Variants in ARSG observed in about 807,000 individuals in gnomAD.
The protein encoded by ARSG is arylsulfatase G, also known as ASG.
A neutral mutation model predicts 50.5 loss-of-function variants in ARSG; 37 were observed. The observed-to-expected ratio is 0.73, with a 90% CI of 0.56 to 0.96. The LOEUF is 0.96. Ranked by LOEUF, ARSG falls within the 50% of genes least tolerant of loss-of-function variation. ARSG has a pLI of 0.00. For missense variants in ARSG, 629 were observed against 675.3 expected (o/e 0.93, Z 0.76); for synonymous variants, 225 against 254.6 (o/e 0.88, Z 1.11).
In ARSG at chr17:68,351,662, G is replaced by T; in HGVS notation, c.542G>T (p.Cys181Phe). Residue 181 changes from cysteine (C) to phenylalanine (F), a missense_variant, in exon 5 of 12, where the codon TGT becomes TTT. Physicochemically the swap from Cys to Phe is radical, Grantham distance 205. Transcript: ENST00000621439. ...TACAACCACCCTCCTTGTCCAGCGT[G>T]TCCACAGGGTGATGGACCATCAAGG... ...PGYNHPPCPA[C>F]PQGDGPSRNL... is the part of the protein sequence containing the mutation. The T allele has an allele frequency of 6.2e-7, 1 of 1,612,926 alleles. No individual in the cohort carries two copies. The highest frequency in any genetic ancestry group is 8.5e-7 in the Non-Finnish European group (1 of 1,178,984).
At chr17:68,429,675 G>A in the ARSG span, among the ~76,000 whole-genome samples, 5 of 151,970 alleles carry the variant, frequency 3.3e-5, no homozygotes, top group Admixed American at 6.6e-5. Flanking sequence ...TGCAACCTCC[G>A]CCTCCTGGGT....
intron 6 of ARSG, 61 bp from the exon 7 acceptor site, chr17:68,368,487 G>T: frequency 1.3e-6 from 2 of 1,515,336 alleles, no homozygotes; most frequent in South Asian, 1.1e-5. Flanking sequence ...GAGGATCCCT[G>T]AGGCACCAGA....
At chr17:68,274,427 CT>C (rs782594628) in intron 1 of ARSG, 1 of 181,256 alleles carries the variant, frequency 5.5e-6, no homozygotes, top group Non-Finnish European at 1.2e-5. Flanking sequence ...GATTGCACCA[CT>C]GCACTCCATA....
intron 2 of ARSG, among the ~76,000 whole-genome samples, chr17:68,342,401 T>A (rs574797637): frequency 2.4e-4 from 37 of 151,126 alleles, no homozygotes; most frequent in South Asian, 1.0e-3. Flanking sequence ...TCACCCAGGC[T>A]GGAGTGCAGT....
the ARSG span, chr17:68,428,973 G>A: frequency 2.9e-5 from 43 of 1,499,582 alleles, no homozygotes; most frequent in African/African-American, 4.1e-5. Flanking sequence ...TGATGACAAC[G>A]AAGATGGGCG....
chr17:68,390,439 A>T (rs895343161), intron 9 of ARSG, among the ~76,000 whole-genome samples: 5 of 152,096 alleles, frequency 3.3e-5, no homozygotes, highest in African/African-American at 9.7e-5. Flanking sequence ...CACCCTGCCC[A>T]CTCTGAGGAC....
chr17:68,376,278 T>TTTTG (rs1491411521), intron 8 of ARSG, among the ~76,000 whole-genome samples: 1 of 138,492 alleles, frequency 7.2e-6, no homozygotes, highest in East Asian at 2.3e-4. Context: ...GCCCCCTGCA[T>TTTTG]TTTTTTTTTT....
chr17:68,269,597 C>T (rs1212191026), intron 1 of ARSG, among the ~76,000 whole-genome samples: 8 of 140,112 alleles, frequency 5.7e-5, no homozygotes, highest in Admixed American at 7.4e-5. Context: ...TGGGACATTT[C>T]GATGCATACT....
At position 68,395,091 on chromosome 17, in the gene ARSG, A is replaced by G. The variant is rs7342975; in HGVS notation, c.1110A>G (p.Pro370=). ...TALLSVLDIF[P]TVVALAQASL... ...TCCGCAGCGTGCTGGACATTTTTCCAACTGTGGTAGCCCTGGCCCAGGCCA... is the reference window on the plus strand; with the variant it reads ...TCCGCAGCGTGCTGGACATTTTTCCGACTGTGGTAGCCCTGGCCCAGGCCA... The change falls in exon 10 of 12, where the codon CCA becomes CCG. Residue 370 remains proline, a synonymous_variant. Transcript: ENST00000621439. 0.032 allele frequency: 51,683 copies of G among 1,613,918 alleles called. 3,340 individuals are homozygous for G. The highest frequency in any genetic ancestry group is 0.26 in the African/African-American group (19,447 of 74,972).
chr17:68,430,198 G>T, the ARSG span: 3 of 1,577,006 alleles, frequency 1.9e-6, no homozygotes, highest in African/African-American at 1.4e-5. Flanking sequence ...GGACTGGGCT[G>T]CAGGCCCCAC....
intron 1 of ARSG, among the ~76,000 whole-genome samples, chr17:68,302,234 C>A (rs1341364709): frequency 6.6e-6 from 1 of 152,174 alleles, no homozygotes; most frequent in East Asian, 1.9e-4. Flanking sequence ...AGCCAGCACA[C>A]AGACCATGTT....
At chr17:68,429,985 A>G in the ARSG span, 3 of 1,613,886 alleles carry the variant, frequency 1.9e-6, no homozygotes, top group Non-Finnish European at 2.5e-6. Context: ...AGTGGGTGTC[A>G]TTGTACGTAC....
chr17:68,341,677 T>C (rs2078275038), intron 2 of ARSG, among the ~76,000 whole-genome samples: 1 of 152,214 alleles, frequency 6.6e-6, no homozygotes, highest in Non-Finnish European at 1.5e-5. Context: ...TGTTGTGACT[T>C]ACATTTGCTC....
In ARSG at chr17:68,271,254, G is replaced by C. The variant is rs1360004429; in HGVS notation, c.-552+11828G>C. ...GTGCAAAGAATCCCAGTGTTGCAAA[G>C]AGACCAAATAATGCATAACAAATAA... On this transcript the variant is annotated intron_variant, in intron 1 of 11. Transcript: ENST00000448504. The surrounding 1 kb of genome is among the most constrained non-coding windows in gnomAD (Gnocchi z 5.3). 1 of 1,614,024 alleles carries C rather than the reference G, an allele frequency of 6.2e-7. No individual in the cohort carries two copies. Among genetic ancestry groups the C allele is most frequent in the Non-Finnish European group, 8.5e-7 (1 of 1,180,054 alleles).
At chr17:68,422,124 T>A, downstream of ARSG, 1 of 329,280 alleles carries the variant, frequency 3.0e-6, no homozygotes, top group Non-Finnish European at 5.8e-6. Flanking sequence ...GACTGCTCAA[T>A]CACTATTAAA....
chr17:68,335,597 C>T (rs2077982630), intron 2 of ARSG, among the ~76,000 whole-genome samples: 1 of 150,278 alleles, frequency 6.7e-6, no homozygotes, highest in South Asian at 2.1e-4. Context: ...TATATAATTA[C>T]ATGGAGAAGG....
intron 1 of ARSG, among the ~76,000 whole-genome samples, chr17:68,284,802 A>G (rs781889706): frequency 3.9e-5 from 6 of 152,220 alleles, no homozygotes; most frequent in Non-Finnish European, 8.8e-5. Flanking sequence ...GATTAAAATA[A>G]GGCATAAGAT....
intron 11 of ARSG, among the ~76,000 whole-genome samples, chr17:68,415,489 A>G (rs2082308554): frequency 6.6e-6 from 1 of 152,166 alleles, no homozygotes; most frequent in South Asian, 2.1e-4. Flanking sequence ...TAGAATGTGT[A>G]TTCTGCAGTT....
intron 8 of ARSG, among the ~76,000 whole-genome samples, chr17:68,373,234 T>C (rs1246274768): frequency 2.6e-5 from 1 of 38,540 alleles, no homozygotes; most frequent in African/African-American, 2.0e-4. Context: ...TATTTTTCAA[T>C]TTTTTTTTTT....
Sources: gnomAD v4.1 joint callset for allele counts (sites outside exome capture counted in the v4.1 genomes callset) on GRCh38, gnomAD v4.1.1 for gene constraint, Gnocchi (gnomAD v3.1) non-coding constraint, MANE v1.5 for transcripts, NCBI Gene and HGNC (gene_info 2026-07-23, HGNC 2026-07-21) for gene names.